Variants in MAGI2 observed in about 807,000 individuals in gnomAD.
MAGI2 encodes the protein membrane associated guanylate kinase, WW and PDZ domain containing 2, also known as membrane-associated guanylate kinase, WW and PDZ domain-containing protein 2.
In MAGI2, 35 loss-of-function variants were observed where a neutral mutation model predicts 133.3. The ratio of observed to expected loss-of-function variants is 0.26; its 90% CI spans 0.20 to 0.35. The LOEUF is 0.35. Among genes scored for constraint, MAGI2 ranks in the 10% least tolerant of loss-of-function variants. The pLI is 1.00. For synonymous variants in MAGI2, 729 were observed against 710.6 expected (o/e 1.03, Z -0.41); for missense variants, 1,636 against 1,863.4 (o/e 0.88, Z 2.25).
chr7:79,204,047 C>T (rs949639941), intron 1 of MAGI2, among the ~76,000 whole-genome samples: 2 of 151,960 alleles, frequency 1.3e-5, no homozygotes, highest in African/African-American at 4.8e-5. Context: ...CACTCCTTTC[C>T]CAACCCAAGG....
intron 1 of MAGI2, among the ~76,000 whole-genome samples, chr7:79,372,080 A>G (rs1843085482): frequency 6.6e-6 from 1 of 152,132 alleles, no homozygotes; most frequent in African/African-American, 2.4e-5. Context: ...GTCTAACTAA[A>G]TAATCGAAAT....
intron 2 of MAGI2, among the ~76,000 whole-genome samples, chr7:78,754,464 G>A (rs1270307697): frequency 2.6e-5 from 4 of 151,992 alleles, no homozygotes; most frequent in Admixed American, 6.6e-5. Context: ...AACAAATTAC[G>A]CTTTAAATGT....
chr7:78,529,308 G>C (rs1381351286), intron 3 of MAGI2, among the ~76,000 whole-genome samples: 4 of 151,968 alleles, frequency 2.6e-5, no homozygotes, highest in African/African-American at 9.7e-5. Context: ...AGGGAAGGTG[G>C]TTTGTTCATG....
intron 9 of MAGI2, among the ~76,000 whole-genome samples, chr7:78,284,159 C>T (rs986945250): frequency 6.6e-6 from 1 of 152,058 alleles, no homozygotes; most frequent in African/African-American, 2.4e-5. Flanking sequence ...CACCACTTAC[C>T]TACAAAGCAG....
At position 78,042,493 on chromosome 7, in the gene MAGI2, T is replaced by G. The variant is rs1402386002; in HGVS notation, c.3707-22517A>C. 2.6e-5 allele frequency among the ~76,000 whole-genome samples: 4 copies of G among 152,194 alleles called. No homozygotes were observed. In the East Asian group the frequency reaches 7.7e-4, roughly 29 times the overall value. Reference sequence around the variant, plus strand: ...CGTGAACTCCTCTGGGCTATTGTAGTACAGGGTTTAAGTCTGGCCTGTGAA... The same window carrying G: ...CGTGAACTCCTCTGGGCTATTGTAGGACAGGGTTTAAGTCTGGCCTGTGAA... On this transcript the variant is annotated intron_variant, in intron 21 of 21. Coordinates refer to ENST00000354212, the MANE Select transcript of MAGI2 (RefSeq NM_012301.4).
At chr7:79,267,645 G>T (rs1013291569) in intron 1 of MAGI2, among the ~76,000 whole-genome samples, 1 of 152,092 alleles carries the variant, frequency 6.6e-6, no homozygotes, top group Non-Finnish European at 1.5e-5. Context: ...AGGTGTAGGG[G>T]CAAAGAGAAT....
chr7:79,237,138 A>AC (rs1299973387), intron 1 of MAGI2, among the ~76,000 whole-genome samples: 8 of 151,918 alleles, frequency 5.3e-5, no homozygotes, highest in Non-Finnish European at 1.0e-4. Flanking sequence ...GCTACTACTA[A>AC]TAATAATGAT....
chr7:79,234,975 G>C (rs1194303022), intron 1 of MAGI2, among the ~76,000 whole-genome samples: 2 of 151,908 alleles, frequency 1.3e-5, no homozygotes, highest in African/African-American at 4.9e-5. Context: ...GGTTTTTGGT[G>C]TGGATGTCCT....
chr7:78,318,868 G>C (rs1787699908), intron 9 of MAGI2, among the ~76,000 whole-genome samples: 1 of 152,096 alleles, frequency 6.6e-6, no homozygotes, highest in South Asian at 2.1e-4. Context: ...GCCAAACAAA[G>C]CTTCATAAGT....
chr7:78,296,892 G>T (rs1797302392), intron 9 of MAGI2, among the ~76,000 whole-genome samples: 1 of 152,166 alleles, frequency 6.6e-6, no homozygotes, highest in Non-Finnish European at 1.5e-5. Flanking sequence ...AGCCCAGTTA[G>T]GTACGTTTAC....
chr7:78,560,074 A>G (rs1172718787), intron 3 of MAGI2, among the ~76,000 whole-genome samples: 1 of 152,210 alleles, frequency 6.6e-6, no homozygotes, highest in Non-Finnish European at 1.5e-5. Context: ...TACATGTTCC[A>G]TGCCCACACA....
chr7:78,557,987 T>A (rs2362634), intron 3 of MAGI2, among the ~76,000 whole-genome samples: 109,918 of 151,366 alleles, frequency 0.73, 40,087 homozygotes, highest in East Asian at 0.85. Context: ...TTTTTTTTTT[T>A]AAAAAATAGT....
intron 1 of MAGI2, among the ~76,000 whole-genome samples, chr7:79,201,099 A>T (rs1294475510): frequency 6.6e-6 from 1 of 151,996 alleles, no homozygotes. Context: ...GCTCTTTGTC[A>T]GGAGAGGGGT....
chr7:78,661,463 CT>C (rs375704348), intron 2 of MAGI2, among the ~76,000 whole-genome samples: 169 of 152,290 alleles, frequency 1.1e-3, no homozygotes, highest in African/African-American at 4.0e-3. Flanking sequence ...CTTAATGTTC[CT>C]TTTAATGCCC....
chr7:78,838,736 T>A (rs1362015992), intron 2 of MAGI2, among the ~76,000 whole-genome samples: 4 of 151,966 alleles, frequency 2.6e-5, no homozygotes, highest in African/African-American at 9.7e-5. Context: ...ACAATTAAAA[T>A]AATAACAGAA....
At chr7:78,033,588 G>A (rs1454815705) in intron 21 of MAGI2, among the ~76,000 whole-genome samples, 2 of 152,182 alleles carry the variant, frequency 1.3e-5, no homozygotes, top group African/African-American at 4.8e-5. Flanking sequence ...GGAACTCATG[G>A]TACTATTTCA....
intron 2 of MAGI2, among the ~76,000 whole-genome samples, chr7:78,812,117 T>C (rs1207811650): frequency 6.6e-6 from 1 of 152,006 alleles, no homozygotes; most frequent in East Asian, 1.9e-4. Context: ...GGCGAGGAAA[T>C]AGATTTTCTC....
intron 3 of MAGI2, among the ~76,000 whole-genome samples, chr7:78,525,421 CTGAATA>C (rs1217043433): frequency 1.2e-5 from 1 of 85,774 alleles, no homozygotes; most frequent in Admixed American, 9.8e-5. Context: ...AACTGACTCC[CTGAATA>C]TAAGTGTATA....
chr7:79,273,512 G>A (rs1310869480), intron 1 of MAGI2, among the ~76,000 whole-genome samples: 6 of 152,070 alleles, frequency 3.9e-5, no homozygotes, highest in Admixed American at 2.0e-4. Flanking sequence ...CTTAAAAATT[G>A]AATGGTTGCA....
Sources: gnomAD v4.1 joint callset for allele counts (sites outside exome capture counted in the v4.1 genomes callset) on GRCh38, gnomAD v4.1.1 for gene constraint, MANE v1.5 for transcripts, NCBI Gene and HGNC (gene_info 2026-07-23, HGNC 2026-07-21) for gene names.